KMT5B: variants seen among roughly 807,000 people sequenced by gnomAD.
The protein encoded by KMT5B is histone-lysine N-methyltransferase KMT5B.
Under a neutral mutation model 83.2 loss-of-function variants are expected in KMT5B, and 10 were observed. That is an observed-to-expected ratio of 0.12 (90% CI 0.07 to 0.20). The LOEUF (loss-of-function observed/expected upper bound fraction) is 0.20. Among genes scored for constraint, KMT5B ranks in the 10% least tolerant of loss-of-function variants. The pLI is 1.00. For synonymous variants in KMT5B, 349 were observed against 388.8 expected (o/e 0.90, Z 1.20); for missense variants, 753 against 1,067.2 (o/e 0.71, Z 4.10).
chr11:68,171,427 C>T lies in KMT5B; in HGVS notation c.820+116G>A. ...TTTTAATAAGTTTGTGGAAACATTT[C>T]TATTTCAAATTCTCCTTTAAAGGAA... On this transcript the variant is annotated intron_variant, in intron 7 of 10. Transcript: ENST00000304363. This position sits in a 1 kb window ranked among gnomAD's most constrained non-coding sequence, Gnocchi z 5.1. 3.0e-6 allele frequency: 4 copies of T among 1,316,908 alleles called. No individual in the cohort carries two copies. Among genetic ancestry groups the T allele is most frequent in the Non-Finnish European group, 4.2e-6 (4 of 955,602 alleles). The allele number at this position is 1,316,908 out of a possible 1,614,324, so 81.6% of individuals were successfully genotyped here. A position where few individuals can be genotyped will look rare whatever the true frequency, so the allele number is the denominator to read the frequency against.
At position 68,197,922 on chromosome 11, in the gene KMT5B, A is replaced by T. The variant is rs116362769; in HGVS notation, c.-76-7770T>A. ...GCTATCAATAATTTGGGGGCTATTT[A>T]AAAAAATTTTCAGCTCAAAATGAAT... On this transcript the variant is annotated intron_variant, in intron 1 of 10. Coordinates refer to ENST00000304363, the MANE Select transcript of KMT5B (RefSeq NM_017635.5). Among the ~76,000 whole-genome samples the T allele has an allele frequency of 9.0e-3, 1,374 of 152,312 alleles. 16 individuals carry two copies. The highest frequency in any genetic ancestry group is 0.031 in the African/African-American group (1,298 of 41,568).
chr11:68,198,020 A>G (rs1858928521), intron 1 of KMT5B, among the ~76,000 whole-genome samples: 1 of 152,194 alleles, frequency 6.6e-6, no homozygotes, highest in Non-Finnish European at 1.5e-5. Context: ...TGCTGGCATG[A>G]TCTTTCCTCT....
intron 3 of KMT5B, among the ~76,000 whole-genome samples, chr11:68,181,369 G>T (rs998804119): frequency 1.3e-5 from 2 of 152,116 alleles, no homozygotes; most frequent in Non-Finnish European, 2.9e-5. Flanking sequence ...CATCACGCCC[G>T]GGCTAAACAT....
intron 3 of KMT5B, among the ~76,000 whole-genome samples, chr11:68,180,402 C>T (rs896754421): frequency 3.3e-5 from 5 of 152,178 alleles, no homozygotes; most frequent in African/African-American, 9.6e-5. Context: ...TAGAACACAC[C>T]TTACCATGAA....
intron 1 of KMT5B, among the ~76,000 whole-genome samples, chr11:68,191,915 A>C (rs1389240129): frequency 6.6e-6 from 1 of 152,238 alleles, no homozygotes; most frequent in African/African-American, 2.4e-5. Flanking sequence ...ATTCATGGGA[A>C]GTGCCCTTCA....
intron 5 of KMT5B, 97 bp from the exon 6 acceptor site, chr11:68,174,010 A>T: frequency 1.2e-6 from 1 of 830,822 alleles, no homozygotes; most frequent in East Asian, 2.6e-5. Context: ...ATGATGAAAA[A>T]AATGTAAGAT....
chr11:68,158,995 T>C lies in KMT5B; in HGVS notation c.1351A>G (p.Lys451Glu), dbSNP rs1757713140. 2 of 1,611,872 alleles carry C rather than the reference T, an allele frequency of 1.2e-6. No individual in the cohort carries two copies. The highest frequency in any genetic ancestry group is 8.5e-7 in the Non-Finnish European group (1 of 1,179,544). Reference protein sequence around the residue: ...LKKPAKPLLSKIKLRNHCKRL... With the variant: ...LKKPAKPLLSEIKLRNHCKRL... The stretch of plus-strand genomic sequence containing the variant: ...TTGCAATGATTTCTCAATTTTATCT[T>C]TGAAAGTAAAGGCTTTGCAGGCTTC... Residue 451 changes from lysine (K) to glutamate (E), a missense_variant, in exon 11 of 11, where the codon AAG becomes GAG. By Grantham distance (56) the Lys-to-Glu change is moderately conservative (BLOSUM62 1). Around this residue, in one of 9 missense-constraint regions of KMT5B, gnomAD observed 397 missense variants for 395.9 expected, o/e 1.00. Transcript: ENST00000304363.
chr11:68,212,921 G>C (rs1205708530), intron 1 of KMT5B, among the ~76,000 whole-genome samples: 1 of 144,760 alleles, frequency 6.9e-6, no homozygotes, highest in Non-Finnish European at 1.5e-5. Flanking sequence ...CCTTCCGGCC[G>C]CGGCCACCAC....
intron 1 of KMT5B, among the ~76,000 whole-genome samples, chr11:68,207,801 A>C (rs1255392847): frequency 6.6e-6 from 1 of 150,926 alleles, no homozygotes; most frequent in East Asian, 2.0e-4. Context: ...AAAAAAAAAA[A>C]AAAAACAAAC....
intron 5 of KMT5B, chr11:68,174,243 A>ACAAACTTTATTGTTT: frequency 2.5e-6 from 1 of 398,090 alleles, no homozygotes; most frequent in Non-Finnish European, 4.9e-6. Flanking sequence ...AAAAAAAGTA[A>ACAAACTTTATTGTTT]GATCATTAGG....
rs777623803 is a variant in KMT5B, at chr11:68,185,870, G to A, written c.219C>T (p.Ser73=). The part of the protein sequence containing the change: ...QSRYVPSSGM[S]AKELCENDDL... ...CATCATTTTCACAGAGTTCCTTGGC[G>A]GACATTCCAGAGGATGGTACATAGC... Residue 73 remains serine (S), a synonymous_variant, in exon 3 of 11, where the codon TCC becomes TCT. Transcript: ENST00000304363. 2.0e-5 allele frequency: 32 copies of A among 1,613,892 alleles called. No individual in the cohort carries two copies. Among genetic ancestry groups the A allele is most frequent in the African/African-American group, 9.3e-5 (7 of 74,904 alleles).
chr11:68,197,582 C>A (rs1591045202), intron 1 of KMT5B, among the ~76,000 whole-genome samples: 1 of 152,262 alleles, frequency 6.6e-6, no homozygotes, highest in East Asian at 1.9e-4. Context: ...TCATGGAACA[C>A]AGACTGAGAT....
rs1000737376 is a variant in KMT5B, at chr11:68,166,031, G to T, written c.1174+951C>A. On this transcript the variant is annotated intron_variant, in intron 10 of 10. Transcript: ENST00000304363. ...AACCTAAAATAATCAGTATCTCAGA[G>T]GGCTCTAAGGTGCCAAGAAGTCTCA... The T allele has an allele frequency of 9.4e-6, 15 of 1,598,506 alleles. No homozygotes were observed. In the African/African-American group the frequency reaches 1.9e-4, roughly 20 times the overall value.
In KMT5B at chr11:68,180,201, CTATA is replaced by C. The variant is rs779089106; in HGVS notation, c.309-5_309-2del. On this transcript the variant is annotated splice_acceptor_variant and splice_polypyrimidine_tract_variant and intron_variant, in intron 3 of 10. Coordinates refer to ENST00000304363, the MANE Select transcript of KMT5B (RefSeq NM_017635.5). LOFTEE classifies it high-confidence loss of function. ...CCTTGAGCTCCTCGAAGGAAAGGCG[CTATA>C]TAAATGCAAAAACAAACAACAAAAA... is the stretch of plus-strand genomic sequence containing the variant. 1.6e-4 allele frequency: 248 copies of C among 1,565,164 alleles called. 1 individual carries two copies. The East Asian group carries it at 3.4e-3, about 22-fold the overall frequency.
At chr11:68,181,978 T>G (rs1856977980) in intron 3 of KMT5B, among the ~76,000 whole-genome samples, 1 of 152,236 alleles carries the variant, frequency 6.6e-6, no homozygotes, top group African/African-American at 2.4e-5. Flanking sequence ...TCGTCTGTAC[T>G]TCCACAGGTT....
intron 1 of KMT5B, among the ~76,000 whole-genome samples, chr11:68,199,948 G>C (rs1036838534): frequency 6.6e-6 from 1 of 152,202 alleles, no homozygotes; most frequent in African/African-American, 2.4e-5. Flanking sequence ...TAGGAAGATT[G>C]GCTTCCGCAA....
chr11:68,211,749 C>T (rs1383624850), intron 1 of KMT5B, among the ~76,000 whole-genome samples: 3 of 152,150 alleles, frequency 2.0e-5, no homozygotes, highest in Non-Finnish European at 4.4e-5. Flanking sequence ...TGGAGGAATG[C>T]CGGGCAGGGC....
At chr11:68,174,142 A>AT in intron 5 of KMT5B, 1 of 598,766 alleles carries the variant, frequency 1.7e-6, no homozygotes, top group Non-Finnish European at 3.1e-6. Flanking sequence ...AGCCCAAGAG[A>AT]TGGAAGCTGC....
chr11:68,201,014 T>TG (rs1363535236), intron 1 of KMT5B, among the ~76,000 whole-genome samples: 1 of 151,340 alleles, frequency 6.6e-6, no homozygotes, highest in African/African-American at 2.4e-5. Context: ...AATAAGGAGG[T>TG]GGGGGGTGAG....
Sources: allele counts gnomAD v4.1 joint callset (sites outside exome capture counted in the v4.1 genomes callset), GRCh38; gene constraint gnomAD v4.1.1; regional missense constraint gnomAD v4.1.1; non-coding constraint Gnocchi (gnomAD v3.1); transcripts MANE v1.5; gene names NCBI Gene and HGNC (gene_info 2026-07-23, HGNC 2026-07-21).